A4GNT: variants seen among roughly 807,000 people sequenced by gnomAD.
A4GNT encodes alpha-1,4-N-acetylglucosaminyltransferase.
Under a neutral mutation model 8.3 loss-of-function variants are expected in A4GNT, and 6 were observed. The ratio of observed to expected loss-of-function variants is 0.72; its 90% CI spans 0.39 to 1.42. The LOEUF (loss-of-function observed/expected upper bound fraction) is 1.42. Ranked by LOEUF, A4GNT falls within the 40% of genes most tolerant of loss-of-function variation. The pLI is 0.02. For synonymous variants in A4GNT, 157 were observed against 159.8 expected (o/e 0.98, Z 0.13); for missense variants, 377 against 417.0 (o/e 0.90, Z 0.84).
chr3:138,130,673 T>C (rs560282416), intron 2 of A4GNT, among the ~76,000 whole-genome samples, 176 bp downstream of exon 2: 69 of 152,310 alleles, frequency 4.5e-4, no homozygotes, highest in African/African-American at 1.4e-3. Flanking sequence ...AGAATAAAGA[T>C]GCACCTAATG....
At chr3:138,126,133 A>G (rs1466311580) in intron 2 of A4GNT, among the ~76,000 whole-genome samples, 2 of 152,042 alleles carry the variant, frequency 1.3e-5, no homozygotes, top group Non-Finnish European at 2.9e-5. Context: ...GACATAATCC[A>G]GACATGAGAT....
chr3:138,124,167 G>C lies in A4GNT; in HGVS notation c.*97C>G. ...ACTGACATTTGAGAGGCAACCCTCT[G>C]CCCACCCCGCCAAGAGACAGTGGAG... On this transcript the variant is annotated 3_prime_UTR_variant, in exon 3 of 3. Coordinates refer to ENST00000236709, the MANE Select transcript of A4GNT (RefSeq NM_016161.3). 1 of 1,491,072 alleles carries C rather than the reference G, an allele frequency of 6.7e-7. No homozygotes were observed. Among genetic ancestry groups the C allele is most frequent in the Non-Finnish European group, 9.0e-7 (1 of 1,111,922 alleles). 92.4% of individuals were successfully genotyped at this position (1,491,072 alleles called of 1,614,324 possible).
intron 2 of A4GNT, among the ~76,000 whole-genome samples, chr3:138,130,496 C>T (rs1228964228): frequency 6.6e-6 from 1 of 151,652 alleles, no homozygotes; most frequent in Non-Finnish European, 1.5e-5. Flanking sequence ...GCCTGGTTTC[C>T]ACTTTAGGTG....
In A4GNT at chr3:138,129,090, C is replaced by G. The variant is rs78247138; in HGVS notation, c.408+1759G>C. ...CTGTCACTTAGTCCAAAAAATGTCT[C>G]CAGCTGACAGCAACTAGGTACAAGC... is the stretch of plus-strand genomic sequence containing the variant. On this transcript the variant is annotated intron_variant, in intron 2 of 2. Transcript: ENST00000236709. Among the ~76,000 whole-genome samples the G allele has an allele frequency of 9.8e-3, 1,489 of 152,098 alleles. 27 individuals are homozygous for G. Among genetic ancestry groups the G allele is most frequent in the African/African-American group, 0.034 (1,408 of 41,478 alleles).
chr3:138,127,832 G>A (rs548376372), intron 2 of A4GNT, among the ~76,000 whole-genome samples: 2 of 152,336 alleles, frequency 1.3e-5, no homozygotes, highest in Non-Finnish European at 2.9e-5. Flanking sequence ...GGAAGCACAT[G>A]CCACAGCTCA....
At chr3:138,129,981 A>C (rs546362753) in intron 2 of A4GNT, among the ~76,000 whole-genome samples, 1 of 152,316 alleles carries the variant, frequency 6.6e-6, no homozygotes, top group South Asian at 2.1e-4. Context: ...GTTTTCTAAA[A>C]TAATGTTATT....
chr3:138,126,998 G>A (rs1337092518), intron 2 of A4GNT, among the ~76,000 whole-genome samples: 2 of 150,152 alleles, frequency 1.3e-5, no homozygotes, highest in South Asian at 2.1e-4. Flanking sequence ...CAGGCATGGT[G>A]GTGGGCACCT....
At chr3:138,128,827 G>A (rs2042760735) in intron 2 of A4GNT, among the ~76,000 whole-genome samples, 1 of 151,902 alleles carries the variant, frequency 6.6e-6, no homozygotes, top group African/African-American at 2.4e-5. Flanking sequence ...GCAGGGCAGT[G>A]CCACCTGCTT....
chr3:138,130,819 T>C (rs2042771509), intron 2 of A4GNT, 30 bp downstream of exon 2: 6 of 1,603,956 alleles, frequency 3.7e-6, no homozygotes, highest in Non-Finnish European at 5.1e-6. Flanking sequence ...ATACAATTCG[T>C]TGACATTTTA....
intron 2 of A4GNT, 90 bp downstream of exon 2, chr3:138,130,759 G>C: frequency 7.1e-7 from 1 of 1,412,232 alleles, no homozygotes; most frequent in Non-Finnish European, 9.6e-7. Flanking sequence ...CCCAAATGTG[G>C]GTTCTATTCC....
At position 138,124,379 on chromosome 3, in the gene A4GNT, C is replaced by T; in HGVS notation, c.908G>A (p.Gly303Glu). The change falls in exon 3 of 3, where the codon GGA becomes GAA. Residue 303 changes from glycine to glutamate, a missense_variant. Physicochemically the swap from Gly to Glu is moderately conservative, Grantham distance 98 (BLOSUM62 -2). Transcript: ENST00000236709. The stretch of plus-strand genomic sequence containing the variant: ...GAGATTTTCCACCAGTGTGTTGCTT[C>T]CTCTAATCACAGCCCGCCCCTCCTG... ...MNQEGRAVIR[G>E]SNTLVENLYR... is the part of the protein sequence containing the mutation. The T allele has an allele frequency of 1.2e-6, 2 of 1,614,216 alleles. No homozygotes were observed. Among genetic ancestry groups the T allele is most frequent in the Non-Finnish European group, 1.7e-6 (2 of 1,180,036 alleles).
chr3:138,130,427 G>A (rs1449025044), intron 2 of A4GNT, among the ~76,000 whole-genome samples: 2 of 151,760 alleles, frequency 1.3e-5, no homozygotes, highest in African/African-American at 2.4e-5. Flanking sequence ...ATCTCATATC[G>A]CAGCATTTCA....
At position 138,124,757 on chromosome 3, in the gene A4GNT, G is replaced by C; in HGVS notation, c.530C>G (p.Pro177Arg). ...CTGCGCAGCCAAAAAGTTCTCCTCA[G>C]GGATGGGCCTGATGGAGATGACATC... The part of the protein sequence containing the change: ...DTDVISIRPI[P>R]EENFLAAQAS... The change falls in exon 3 of 3, where the codon CCT (proline) becomes CGT (arginine). Residue 177 changes from proline (P) to arginine (R), a missense_variant. Pro to Arg is a moderately radical substitution (Grantham distance 103). Transcript: ENST00000236709. 1 of 1,614,206 alleles carries C rather than the reference G, an allele frequency of 6.2e-7. No individual in the cohort carries two copies. Among genetic ancestry groups the C allele is most frequent in the South Asian group, 1.1e-5 (1 of 91,078 alleles).
chr3:138,127,118 C>CAAAAAAAAAA (rs898641661), intron 2 of A4GNT, among the ~76,000 whole-genome samples: 1 of 34,082 alleles, frequency 2.9e-5, no homozygotes, highest in East Asian at 9.1e-4. Flanking sequence ...GACTCCATCT[C>CAAAAAAAAAA]AAAAAAAAAA....
chr3:138,130,100 A>G (rs935658819), intron 2 of A4GNT, among the ~76,000 whole-genome samples: 1 of 151,592 alleles, frequency 6.6e-6, no homozygotes, highest in Admixed American at 6.6e-5. Context: ...TTTTTTTTCA[A>G]TAGATGTGTG....
intron 2 of A4GNT, among the ~76,000 whole-genome samples, chr3:138,127,233 G>A (rs115509883): frequency 0.021 from 3,210 of 151,074 alleles, 53 homozygotes; most frequent in Non-Finnish European, 0.031. Flanking sequence ...TAATCTACGC[G>A]AGTCCTCAAA....
upstream of A4GNT, among the ~76,000 whole-genome samples, chr3:138,132,699 T>A (rs1331823498): frequency 1.3e-5 from 2 of 152,298 alleles, no homozygotes; most frequent in East Asian, 3.9e-4. Flanking sequence ...CTTGATCAGT[T>A]TAGCTTGAAT....
chr3:138,129,184 A>G (rs1340617569), intron 2 of A4GNT, among the ~76,000 whole-genome samples: 1 of 151,984 alleles, frequency 6.6e-6, no homozygotes, highest in African/African-American at 2.4e-5. Flanking sequence ...TAGGCTAAAT[A>G]ATGGCTACCC....
rs1209633923 is a variant in A4GNT at position 138,124,893 on chromosome 3, G to A, written c.409-15C>T. The stretch of plus-strand genomic sequence containing the variant: ...CTGGCGTTGATCTGCAGGAGCAGGT[G>A]CAAATCAGCCCCAAGTAGCCAGGGG... On this transcript the variant is annotated splice_polypyrimidine_tract_variant and intron_variant, in intron 2 of 2. Coordinates refer to ENST00000236709, the MANE Select transcript of A4GNT (RefSeq NM_016161.3). 2 of 1,603,590 alleles carry A rather than the reference G, an allele frequency of 1.2e-6. No individual in the cohort carries two copies. Among genetic ancestry groups the A allele is most frequent in the African/African-American group, 1.3e-5 (1 of 74,784 alleles).
Sources: gnomAD v4.1 joint callset for allele counts (sites outside exome capture counted in the v4.1 genomes callset) on GRCh38, gnomAD v4.1.1 for gene constraint, MANE v1.5 for transcripts, NCBI Gene and HGNC (gene_info 2026-07-23, HGNC 2026-07-21) for gene names.